The following NTM variants were observed in gnomAD, a reference collection of about 807,000 sequenced individuals.
The protein encoded by NTM is neurotrimin, also known as IgLON family member 2.
In NTM, 13 loss-of-function variants were observed where a neutral mutation model predicts 42.1. The observed-to-expected ratio is 0.31, with a 90% CI of 0.20 to 0.49. NTM has a LOEUF of 0.49. Among genes scored for constraint, NTM ranks in the 20% least tolerant of loss-of-function variants. NTM has a pLI of 0.99. For missense variants in NTM, 373 were observed against 452.8 expected (o/e 0.82, Z 1.60); for synonymous variants, 187 against 179.2 (o/e 1.04, Z -0.35).
intron 1 of NTM, among the ~76,000 whole-genome samples, chr11:131,405,313 A>G (rs1056833255): frequency 1.3e-5 from 2 of 152,184 alleles, no homozygotes; most frequent in African/African-American, 4.8e-5. Flanking sequence ...CATCCATTTG[A>G]TGCAATATGT....
intron 1 of NTM, among the ~76,000 whole-genome samples, chr11:131,413,865 TGAGGAGGGCAGGGGAGAC>T (rs1053177327): frequency 1.2e-4 from 18 of 150,336 alleles, no homozygotes; most frequent in South Asian, 4.3e-4. Flanking sequence ...GATCTGGCTG[TGAGGAGGGCAGGGGAGAC>T]GAGGAGGGCA....
rs369388295 is a variant in NTM, at chr11:131,473,033, A to G, written c.82+102145A>G. ...CAATAATAATACTAATAACAATGAA[A>G]ATAATAGCCAATATTTCCAGGGTGG... On this transcript the variant is annotated intron_variant, in intron 1 of 8. Transcript: ENST00000683400. Among the ~76,000 whole-genome samples, 44 of 152,332 alleles carry G rather than the reference A, an allele frequency of 2.9e-4. No homozygotes were observed. The East Asian group carries it at 7.5e-3, about 26-fold the overall frequency.
At chr11:132,187,507 C>A (rs75118192) in intron 3 of NTM, among the ~76,000 whole-genome samples, 91 of 152,244 alleles carry the variant, frequency 6.0e-4, no homozygotes, top group African/African-American at 2.1e-3. Flanking sequence ...GCATTCATTC[C>A]TAGCCAACTG....
At chr11:132,127,852 CT>C (rs1273438604) in intron 2 of NTM, among the ~76,000 whole-genome samples, 1 of 152,144 alleles carries the variant, frequency 6.6e-6, no homozygotes, top group Non-Finnish European at 1.5e-5. Flanking sequence ...TGCCGGCAGA[CT>C]TAGTAGTGTC....
chr11:132,174,351 CT>C (rs1408987523), intron 3 of NTM, among the ~76,000 whole-genome samples: 1 of 152,194 alleles, frequency 6.6e-6, no homozygotes, highest in Non-Finnish European at 1.5e-5. Context: ...TGGAAGTGAA[CT>C]GCTTCTATAA....
chr11:131,733,483 C>T lies in NTM; in HGVS notation c.83-178081C>T, dbSNP rs867486537. Among the ~76,000 whole-genome samples, 991 of 145,170 alleles carry T rather than the reference C, an allele frequency of 6.8e-3. 13 individuals carry two copies. The highest frequency in any genetic ancestry group is 0.021 in the Middle Eastern group (6 of 286). On this transcript the variant is annotated intron_variant, in intron 1 of 8. Coordinates refer to ENST00000683400, the MANE Select transcript of NTM (RefSeq NM_001352005.2). ...CCTTCTTTCCTTCCTTCCTTCCTTCCTTCCTTCCTTCCTTCCTTCCTTCCT... is the reference window on the plus strand; with the variant it reads ...CCTTCTTTCCTTCCTTCCTTCCTTCTTTCCTTCCTTCCTTCCTTCCTTCCT...
chr11:131,831,695 T>C (rs776939175), intron 1 of NTM, among the ~76,000 whole-genome samples: 11 of 152,142 alleles, frequency 7.2e-5, no homozygotes, highest in Non-Finnish European at 1.3e-4. Flanking sequence ...CCATAAATTC[T>C]AGGGAAAAGT....
chr11:131,598,766 TTTTC>T (rs112299623), intron 1 of NTM, among the ~76,000 whole-genome samples: 4 of 33,996 alleles, frequency 1.2e-4, no homozygotes, highest in South Asian at 2.7e-3. Context: ...TTCTTTCTTT[TTTTC>T]TTTCTTTCTT....
chr11:132,146,132 A>C lies in NTM; in HGVS notation c.168-150A>C. ...TCCCATAAGACCTTTGCTGTGTTCC[A>C]GAAAAGTCCACCCCTGACAAATCAA... On this transcript the variant is annotated intron_variant, in intron 2 of 8. Transcript: ENST00000683400. The surrounding 1 kb of genome is among the most constrained non-coding windows in gnomAD (Gnocchi z 4.5). 8.0e-7 allele frequency: 1 copy of C among 1,253,548 alleles called. No homozygotes were observed. Among genetic ancestry groups the C allele is most frequent in the Non-Finnish European group, 1.1e-6 (1 of 918,866 alleles). The allele number at this position is 1,253,548 out of a possible 1,614,324, so 77.7% of individuals were successfully genotyped here. A position where few individuals can be genotyped will look rare whatever the true frequency, so the allele number is the denominator to read the frequency against.
At chr11:131,865,206 CT>C (rs1375742712) in intron 1 of NTM, among the ~76,000 whole-genome samples, 2 of 152,244 alleles carry the variant, frequency 1.3e-5, no homozygotes, top group Admixed American at 6.5e-5. Context: ...TAGCCTACCC[CT>C]GATCACATGG....
At chr11:131,578,878 G>T (rs762455998) in intron 1 of NTM, among the ~76,000 whole-genome samples, 3 of 152,172 alleles carry the variant, frequency 2.0e-5, no homozygotes, top group Non-Finnish European at 2.9e-5. Context: ...GGCTGATAAG[G>T]TTCAAGCAGA....
At chr11:132,077,567 G>T (rs542098911) in intron 2 of NTM, among the ~76,000 whole-genome samples, 3 of 152,270 alleles carry the variant, frequency 2.0e-5, no homozygotes, top group East Asian at 3.9e-4. Context: ...TTTTCCACAA[G>T]AGGAAGTGGA....
At chr11:131,526,895 A>G (rs117176231) in intron 1 of NTM, among the ~76,000 whole-genome samples, 1 of 152,376 alleles carries the variant, frequency 6.6e-6, no homozygotes, top group Non-Finnish European at 1.5e-5. Flanking sequence ...CTCTCCATAC[A>G]CAAATGGAAA....
intron 1 of NTM, among the ~76,000 whole-genome samples, chr11:131,692,975 GTTAA>G (rs889745020): frequency 6.6e-6 from 1 of 151,796 alleles, no homozygotes; most frequent in Non-Finnish European, 1.5e-5. Flanking sequence ...TTACATTGTG[GTTAA>G]TTAATCTATG....
chr11:131,500,996 A>T (rs2046749797), intron 1 of NTM, among the ~76,000 whole-genome samples: 1 of 151,762 alleles, frequency 6.6e-6, no homozygotes, highest in Admixed American at 6.6e-5. Context: ...AGAAAATGTG[A>T]CCCTATAGTT....
intron 2 of NTM, among the ~76,000 whole-genome samples, chr11:132,069,635 G>GTT (rs932195813): frequency 2.7e-5 from 4 of 149,906 alleles, no homozygotes; most frequent in Non-Finnish European, 4.4e-5. Flanking sequence ...TCACAGGTTA[G>GTT]TTAACAGGTC....
At chr11:132,323,954 G>A (rs1206938296) in intron 7 of NTM, among the ~76,000 whole-genome samples, 11 of 148,422 alleles carry the variant, frequency 7.4e-5, no homozygotes, top group African/African-American at 2.5e-4. Context: ...ATGCAGAAAA[G>A]GCCTTTGACA....
intron 1 of NTM, among the ~76,000 whole-genome samples, chr11:131,777,419 A>G (rs985093224): frequency 2.7e-5 from 4 of 150,644 alleles, no homozygotes; most frequent in Admixed American, 6.6e-5. Context: ...TTCTCTCCCA[A>G]TTTTTATGAG....
At chr11:131,957,683 ACT>A (rs1321689648) in intron 2 of NTM, among the ~76,000 whole-genome samples, 1 of 152,186 alleles carries the variant, frequency 6.6e-6, no homozygotes, top group East Asian at 1.9e-4. Context: ...TTAAATGTCC[ACT>A]GTTTTTATAT....
Sources: gnomAD v4.1 joint callset for allele counts (sites outside exome capture counted in the v4.1 genomes callset) on GRCh38, gnomAD v4.1.1 for gene constraint, Gnocchi (gnomAD v3.1) non-coding constraint, MANE v1.5 for transcripts, NCBI Gene and HGNC (gene_info 2026-07-23, HGNC 2026-07-21) for gene names.